Variants in ANKMY1 observed in about 807,000 individuals in gnomAD.
ANKMY1 encodes ankyrin repeat and MYND domain containing 1.
ANKMY1 carries 98 observed loss-of-function variants against 102.0 expected under a neutral mutation model. The ratio of observed to expected loss-of-function variants is 0.96; its 90% CI spans 0.82 to 1.14. The LOEUF is 1.14. ANKMY1 is among the 50% of genes most tolerant of loss of function. ANKMY1 has a pLI of 0.00. For synonymous variants in ANKMY1, 582 were observed against 559.9 expected, an observed-to-expected ratio of 1.04 and a Z score of -0.56; for missense variants, 1,330 against 1,347.6, an observed-to-expected ratio of 0.99 and a Z score of 0.20.
At chr2:240,486,583 A>C (rs1049601742) in intron 15 of ANKMY1, among the ~76,000 whole-genome samples, 1 of 152,208 alleles carries the variant, frequency 6.6e-6, no homozygotes, top group African/African-American at 2.4e-5. Context: ...GAAATATGTC[A>C]ATTTCACTTT....
Position 240,483,079 on chromosome 2 carries a change from A to G in ANKMY1, c.2807-818T>C, listed in dbSNP as rs954780471. ...CATTTGTAAATCTATTTTTTCTGATATTAGCCATTCCAGCCTTCTTGTGAT... is the reference window on the plus strand; with the variant it reads ...CATTTGTAAATCTATTTTTTCTGATGTTAGCCATTCCAGCCTTCTTGTGAT... On this transcript the variant is annotated intron_variant, in intron 15 of 17. Transcript: ENST00000401804. Among the ~76,000 whole-genome samples, 12 of 152,202 alleles carry G rather than the reference A, an allele frequency of 7.9e-5. No individual in the cohort carries two copies. In the South Asian group the frequency reaches 8.3e-4, roughly 11 times the overall value.
chr2:240,476,136 C>G (rs1190521473), downstream of ANKMY1, among the ~76,000 whole-genome samples: 1 of 152,120 alleles, frequency 6.6e-6, no homozygotes, highest in East Asian at 1.9e-4. Context: ...CAATATGATA[C>G]AGTCATAAAA....
At chr2:240,517,557 C>G (rs1388352656) in intron 9 of ANKMY1, among the ~76,000 whole-genome samples, 1 of 152,156 alleles carries the variant, frequency 6.6e-6, no homozygotes. Context: ...TACCTGTAAC[C>G]CTAGCACTTC....
intron 9 of ANKMY1, chr2:240,519,902 C>T (rs2152312277): frequency 3.9e-6 from 1 of 258,554 alleles, no homozygotes; most frequent in Middle Eastern, 1.7e-3. Context: ...AATCAGATTC[C>T]CCTTCGAAGA....
the ANKMY1 span, among the ~76,000 whole-genome samples, chr2:240,472,836 A>C: frequency 6.6e-6 from 1 of 152,214 alleles, no homozygotes; most frequent in Admixed American, 6.5e-5. Context: ...GGCCAACATG[A>C]TGCCACAGCT....
chr2:240,523,666 A>T, intron 8 of ANKMY1: 1 of 737,546 alleles, frequency 1.4e-6, no homozygotes, highest in Non-Finnish European at 2.1e-6. Flanking sequence ...TGGCACCCCC[A>T]CAGGGCTGGG....
chr2:240,539,317 C>T (rs62187212), intron 4 of ANKMY1, among the ~76,000 whole-genome samples: 4 of 150,830 alleles, frequency 2.7e-5, no homozygotes, highest in South Asian at 2.1e-4. Context: ...CGAACAACTC[C>T]GGACCGGAGG....
upstream of ANKMY1, chr2:240,558,020 C>G: frequency 1.0e-6 from 1 of 969,490 alleles, no homozygotes; most frequent in Non-Finnish European, 1.2e-6. Flanking sequence ...GAGACAGCCC[C>G]GCCCCATGCC....
At chr2:240,527,125 T>C (rs1359740293) in intron 5 of ANKMY1, 1 of 444,494 alleles carries the variant, frequency 2.2e-6, no homozygotes, top group East Asian at 1.6e-4. Flanking sequence ...GGAAGATGGA[T>C]GGATGGGTGG....
In ANKMY1 at chr2:240,520,386, C is replaced by A; in HGVS notation, c.1980G>T (p.Arg660Ser). The A allele has an allele frequency of 6.3e-7, 1 of 1,578,040 alleles. No individual in the cohort carries two copies. Among genetic ancestry groups the A allele is most frequent in the Admixed American group, 1.8e-5 (1 of 54,218 alleles). Reference sequence around the variant, plus strand: ...CCTGCGGCGGAAAGCAGATGTCGGTCCTCGCCCCGTGCTCCAGCAGCAGCC... The same window carrying A: ...CCTGCGGCGGAAAGCAGATGTCGGTACTCGCCCCGTGCTCCAGCAGCAGCC... The part of the protein sequence containing the change: ...GVRLLLEHGA[R>S]TDICFPPQLS... The change falls in exon 9 of 18, where the codon AGG (arginine) becomes AGT (serine). Residue 660 changes from arginine (R) to serine (S), a missense_variant. By Grantham distance (110) the Arg-to-Ser change is moderately radical. Coordinates refer to ENST00000401804, the MANE Select transcript of ANKMY1 (RefSeq NM_001282771.3). This position sits in a 1 kb window ranked among gnomAD's most constrained non-coding sequence, Gnocchi z 4.8.
intron 4 of ANKMY1, among the ~76,000 whole-genome samples, chr2:240,550,369 G>T (rs1439569572): frequency 2.5e-5 from 3 of 119,554 alleles, no homozygotes; most frequent in Admixed American, 9.6e-5. Flanking sequence ...GCTGTGGGGT[G>T]GGGGGAGGGG....
chr2:240,518,664 T>C (rs1197632135), intron 9 of ANKMY1, among the ~76,000 whole-genome samples: 2 of 152,196 alleles, frequency 1.3e-5, no homozygotes, highest in Admixed American at 1.3e-4. Context: ...ATTTGAAAGA[T>C]AAATGTGTAA....
chr2:240,491,118 G>T (rs1416575852), intron 15 of ANKMY1, among the ~76,000 whole-genome samples: 8 of 133,990 alleles, frequency 6.0e-5, no homozygotes, highest in Admixed American at 7.7e-5. Context: ...TACTCTTCCT[G>T]ACTTAAAGTC....
Position 240,511,957 on chromosome 2 carries a change from G to T in ANKMY1, c.2190C>A (p.Gly730=), listed in dbSNP as rs767054810. The change falls in exon 11 of 18, where the codon GGC becomes GGA. Residue 730 remains glycine (G), a synonymous_variant. Coordinates refer to ENST00000401804, the MANE Select transcript of ANKMY1 (RefSeq NM_001282771.3). ...PSSLKLSNEP[G]PPQAYYSTDT... is the part of the protein sequence containing the mutation. ...CCGTGCTGTAGTAGGCTTGGGGAGG[G>T]CCTGGCTCATTGCTGAGCTTCAGAC... 1.3e-6 allele frequency: 2 copies of T among 1,565,882 alleles called. No homozygotes were observed. The highest frequency in any genetic ancestry group is 1.2e-5 in the South Asian group (1 of 86,378).
At chr2:240,470,539 C>T in the ANKMY1 span, among the ~76,000 whole-genome samples, 1 of 152,114 alleles carries the variant, frequency 6.6e-6, no homozygotes, top group Non-Finnish European at 1.5e-5. Context: ...TTTCATATGG[C>T]CTGGAAATAT....
At chr2:240,521,546 C>CTGGAGTG (rs1187306109) in intron 8 of ANKMY1, among the ~76,000 whole-genome samples, 1 of 125,932 alleles carries the variant, frequency 7.9e-6, no homozygotes, top group Non-Finnish European at 1.6e-5. Flanking sequence ...GTCGCCCAGG[C>CTGGAGTG]TGGAGTGCAG....
intron 4 of ANKMY1, among the ~76,000 whole-genome samples, chr2:240,531,876 T>C (rs1462315902): frequency 1.3e-5 from 2 of 152,192 alleles, no homozygotes; most frequent in South Asian, 2.1e-4. Context: ...GTAAATCATG[T>C]TGCATGCAAA....
intron 13 of ANKMY1, 77 bp downstream of exon 13, chr2:240,507,483 C>T (rs2079294473): frequency 6.6e-7 from 1 of 1,509,526 alleles, no homozygotes; most frequent in East Asian, 2.4e-5. Flanking sequence ...CCACCCAGCC[C>T]TCACACCCCT....
intron 11 of ANKMY1, 125 bp downstream of exon 11, chr2:240,511,736 C>G (rs1559288118): frequency 2.3e-6 from 3 of 1,285,810 alleles, no homozygotes; most frequent in Non-Finnish European, 2.1e-6. Context: ...CCCCATCCTT[C>G]CAAGCTCCCT....
Sources: allele counts gnomAD v4.1 joint callset (sites outside exome capture counted in the v4.1 genomes callset), GRCh38; gene constraint gnomAD v4.1.1; non-coding constraint Gnocchi (gnomAD v3.1); transcripts MANE v1.5; gene names NCBI Gene and HGNC (gene_info 2026-07-23, HGNC 2026-07-21).